Variants in HECW2 observed in about 807,000 individuals in gnomAD.
The protein encoded by HECW2 is HECT, C2 and WW domain containing E3 ubiquitin protein ligase 2.
Under a neutral mutation model 175.2 loss-of-function variants are expected in HECW2, and 61 were observed. The ratio of observed to expected loss-of-function variants is 0.35; its 90% confidence interval spans 0.28 to 0.43. The LOEUF is 0.43. Among genes scored for constraint, HECW2 ranks in the 20% least tolerant of loss-of-function variants. HECW2 has a pLI of 1.00. For synonymous variants in HECW2, 671 were observed against 731.0 expected (o/e 0.92, Z 1.32); for missense variants, 1,524 against 2,000.5 (o/e 0.76, Z 4.54).
At chr2:196,489,421 A>G (rs1452750084) in intron 1 of HECW2, among the ~76,000 whole-genome samples, 2 of 152,098 alleles carry the variant, frequency 1.3e-5, no homozygotes, top group African/African-American at 2.4e-5. Context: ...GTGCTGGAGG[A>G]CACAGCTAAA....
chr2:196,504,282 T>C (rs533393959), intron 1 of HECW2, among the ~76,000 whole-genome samples: 40 of 113,884 alleles, frequency 3.5e-4, no homozygotes, highest in African/African-American at 1.2e-3. Context: ...GGGATAAGAG[T>C]GAAACTCTGT....
At chr2:196,486,509 T>TATAC (rs1687013132) in intron 1 of HECW2, among the ~76,000 whole-genome samples, 1 of 152,120 alleles carries the variant, frequency 6.6e-6, no homozygotes. Context: ...ATTCCAGCAT[T>TATAC]ATACACAGGA....
At chr2:196,499,407 T>G (rs1173342475) in intron 1 of HECW2, among the ~76,000 whole-genome samples, 2 of 152,268 alleles carry the variant, frequency 1.3e-5, no homozygotes, top group Admixed American at 1.3e-4. Context: ...TTTTAATCAA[T>G]GCAGGTTTCC....
At chr2:196,400,354 GAGAGT>G (rs1694784927) in intron 2 of HECW2, among the ~76,000 whole-genome samples, 1 of 152,182 alleles carries the variant, frequency 6.6e-6, no homozygotes, top group Non-Finnish European at 1.5e-5. Flanking sequence ...GGCGGGGAAG[GAGAGT>G]AGAGTATATG....
chr2:196,276,966 T>C (rs1383216395), intron 15 of HECW2, among the ~76,000 whole-genome samples: 1 of 152,194 alleles, frequency 6.6e-6, no homozygotes, highest in Non-Finnish European at 1.5e-5. Flanking sequence ...ATGTACAATA[T>C]AATACTGAAA....
rs759727408 is a variant in HECW2 at position 196,319,484 on chromosome 2, T to A, written c.1406A>T (p.Asp469Val). ...AMLHIDSDEE[D>V]HEFQQDLGYP... ...ACCCAGGTCTTGCTGGAACTCGTGA[T>A]CTTCTTCATCTGAATCAATATGAAG... Residue 469 changes from aspartate to valine, a missense_variant, in exon 9 of 29, where the codon GAT becomes GTT. By Grantham distance (152) the Asp-to-Val change is radical. This residue lies in a region of HECW2 where 604 missense variants were observed against 588.3 expected (regional missense o/e 1.03). Transcript: ENST00000644978. 12 of 1,614,030 alleles carry A rather than the reference T, an allele frequency of 7.4e-6. No homozygotes were observed.
At chr2:196,419,575 G>A (rs560868429) in intron 2 of HECW2, among the ~76,000 whole-genome samples, 15 of 152,164 alleles carry the variant, frequency 9.9e-5, no homozygotes, top group Admixed American at 6.5e-4. Flanking sequence ...TTGTAATATT[G>A]TTCTGAATAC....
At chr2:196,521,184 A>G (rs1688360363) in intron 1 of HECW2, among the ~76,000 whole-genome samples, 1 of 149,438 alleles carries the variant, frequency 6.7e-6, no homozygotes, top group Non-Finnish European at 1.5e-5. Flanking sequence ...GCTAGAAAGT[A>G]GTGAGACCAG....
chr2:196,265,800 C>G (rs1689490911), intron 17 of HECW2, among the ~76,000 whole-genome samples: 1 of 152,174 alleles, frequency 6.6e-6, no homozygotes, highest in Non-Finnish European at 1.5e-5. Context: ...TTCCGATCCC[C>G]ATTTTACAGA....
intron 2 of HECW2, among the ~76,000 whole-genome samples, chr2:196,408,313 C>T (rs1695019344): frequency 6.6e-6 from 1 of 152,080 alleles, no homozygotes; most frequent in African/African-American, 2.4e-5. Flanking sequence ...AGTTATGAAC[C>T]CAGTGAAGAC....
At chr2:196,573,873 A>C (rs11903898) in intron 1 of HECW2, among the ~76,000 whole-genome samples, 20,665 of 152,048 alleles carry the variant, frequency 0.14, 1,464 homozygotes, top group Middle Eastern at 0.23. Flanking sequence ...ACAACAACAA[A>C]AAAAAAACAG....
chr2:196,310,852 C>T (rs561611839), intron 10 of HECW2, among the ~76,000 whole-genome samples: 49 of 151,612 alleles, frequency 3.2e-4, no homozygotes, highest in African/African-American at 1.2e-3. Context: ...ACTTTCACTA[C>T]AAGACCTTAA....
At chr2:196,382,367 T>G (rs1694232113) in intron 2 of HECW2, among the ~76,000 whole-genome samples, 1 of 151,152 alleles carries the variant, frequency 6.6e-6, no homozygotes, top group African/African-American at 2.4e-5. Flanking sequence ...GCATGAGAGG[T>G]TGAAAGGAAA....
intron 20 of HECW2, 137 bp from the exon 21 acceptor site, chr2:196,240,699 G>C: frequency 2.4e-6 from 2 of 844,880 alleles, no homozygotes; most frequent in South Asian, 5.0e-5. Context: ...ATTGCTGTCT[G>C]CAATAAAGTA....
chr2:196,579,315 A>C (rs1165446683), intron 1 of HECW2, among the ~76,000 whole-genome samples: 1 of 152,120 alleles, frequency 6.6e-6, no homozygotes, highest in Non-Finnish European at 1.5e-5. Flanking sequence ...TATTTAACAC[A>C]AGATAAGACA....
intron 25 of HECW2, 60 bp downstream of exon 25, chr2:196,220,735 A>T: frequency 6.5e-7 from 1 of 1,532,940 alleles, no homozygotes; most frequent in South Asian, 1.1e-5. Flanking sequence ...GTACAATAAG[A>T]TGGACTGTGG....
intron 1 of HECW2, among the ~76,000 whole-genome samples, chr2:196,566,449 CTT>C (rs988044928): frequency 4.0e-5 from 6 of 151,834 alleles, no homozygotes; most frequent in African/African-American, 1.5e-4. Flanking sequence ...AATAGCTACT[CTT>C]GTCGTTAGAA....
Position 196,222,487 on chromosome 2 carries a change from A to G in HECW2, c.4017-147T>C, listed in dbSNP as rs1359833815. 40 of 689,474 alleles carry G rather than the reference A, an allele frequency of 5.8e-5. 1 individual carries two copies. The East Asian group carries it at 1.1e-3, about 20-fold the overall frequency. The allele number at this position is 689,474 out of a possible 1,614,324, so 42.7% of individuals were successfully genotyped here. The stretch of plus-strand genomic sequence containing the variant: ...TCTGGAATGTTCTTAGTCCAAGTCC[A>G]GTAATTAAACCAAACCAGTGAAATA... On this transcript the variant is annotated intron_variant, in intron 23 of 28. Coordinates refer to ENST00000644978, the MANE Select transcript of HECW2 (RefSeq NM_001348768.2).
chr2:196,202,021 C>A (rs1686875353), intron 28 of HECW2, among the ~76,000 whole-genome samples: 1 of 152,062 alleles, frequency 6.6e-6, no homozygotes, highest in African/African-American at 2.4e-5. Context: ...ATTAAGTATT[C>A]TTTTTTAGAA....
Sources: allele counts gnomAD v4.1 joint callset (sites outside exome capture counted in the v4.1 genomes callset), GRCh38; gene constraint gnomAD v4.1.1; regional missense constraint gnomAD v4.1.1; transcripts MANE v1.5; gene names NCBI Gene and HGNC (gene_info 2026-07-23, HGNC 2026-07-21).